The following CPNE4 variants were observed in gnomAD, a reference collection of about 807,000 sequenced individuals.
The protein encoded by CPNE4 is copine 4, also known as copine-4.
CPNE4 carries 25 observed loss-of-function variants against 67.9 expected under a neutral mutation model. The observed-to-expected ratio is 0.37, with a 90% confidence interval of 0.27 to 0.51. The LOEUF (loss-of-function observed/expected upper bound fraction) is 0.51. Among genes scored for constraint, CPNE4 ranks in the 20% least tolerant of loss-of-function variants. The probability of loss-of-function intolerance (pLI) is 0.93; values close to 1 mark genes in which losing one functional copy is unlikely to be tolerated. For missense variants in CPNE4, 464 were observed against 690.8 expected (o/e 0.67, Z 3.68); for synonymous variants, 242 against 244.9 (o/e 0.99, Z 0.11).
At chr3:131,748,242 CAAATTTTAAACCAATCTTTGGTTTTT>C (rs1408175891) in intron 2 of CPNE4, among the ~76,000 whole-genome samples, 4 of 151,954 alleles carry the variant, frequency 2.6e-5, no homozygotes, top group Non-Finnish European at 5.9e-5. Flanking sequence ...GATTGGTTTT[CAAATTTTAAACCAATCTTTGGTTTTT>C]AAATTTTAAA....
intron 2 of CPNE4, among the ~76,000 whole-genome samples, chr3:131,785,201 T>A (rs2083525540): frequency 6.6e-6 from 1 of 152,128 alleles, no homozygotes; most frequent in South Asian, 2.1e-4. Context: ...CCCCACTTTA[T>A]AGCTGAGTAA....
At chr3:131,937,269 G>A (rs1034250540) in intron 1 of CPNE4, among the ~76,000 whole-genome samples, 2 of 152,148 alleles carry the variant, frequency 1.3e-5, no homozygotes, top group Non-Finnish European at 2.9e-5. Context: ...ACGCTCTAAA[G>A]AATTGCCTAG....
intron 2 of CPNE4, among the ~76,000 whole-genome samples, chr3:131,880,348 C>A (rs2087626370): frequency 1.3e-5 from 2 of 152,072 alleles, no homozygotes. Context: ...ATCTCCTGAG[C>A]TCGTGATACG....
intron 2 of CPNE4, among the ~76,000 whole-genome samples, chr3:131,768,067 A>C (rs762917477): frequency 2.0e-5 from 3 of 152,090 alleles, no homozygotes; most frequent in Non-Finnish European, 2.9e-5. Context: ...GGAGGCTGAG[A>C]TTTAGGATTG....
intron 1 of CPNE4, among the ~76,000 whole-genome samples, chr3:131,955,817 T>C (rs755311838): frequency 2.8e-4 from 42 of 152,302 alleles, no homozygotes; most frequent in Non-Finnish European, 4.3e-4. Flanking sequence ...TCGCTGTACA[T>C]CTTTTCTTGC....
intron 7 of CPNE4, among the ~76,000 whole-genome samples, chr3:131,599,506 A>C (rs1485702128): frequency 1.3e-5 from 2 of 152,220 alleles, no homozygotes; most frequent in Non-Finnish European, 2.9e-5. Context: ...AAATAGAATG[A>C]AATAGAACTC....
rs559416051 is a variant in CPNE4, at chr3:131,976,286, T to C, written c.-2+58281A>G. ...AATTTTTTTTTTAATACTTAGACCA[T>C]GGCTTATTTTTCCAATTAAAAAATA... is the stretch of plus-strand genomic sequence containing the variant. On this transcript the variant is annotated intron_variant, in intron 1 of 15. Coordinates refer to ENST00000429747, the MANE Select transcript of CPNE4 (RefSeq NM_130808.3). Among the ~76,000 whole-genome samples, 6 of 152,050 alleles carry C rather than the reference T, an allele frequency of 3.9e-5. No individual in the cohort carries two copies. The South Asian group carries it at 6.2e-4, about 16-fold the overall frequency.
intron 2 of CPNE4, among the ~76,000 whole-genome samples, chr3:131,889,255 AG>A (rs1317711793): frequency 6.6e-6 from 1 of 152,214 alleles, no homozygotes; most frequent in Non-Finnish European, 1.5e-5. Flanking sequence ...CACATGGATA[AG>A]CCAAGCAGTG....
At position 131,678,158 on chromosome 3, in the gene CPNE4, T is replaced by C. The variant is rs574583896; in HGVS notation, c.591+7717A>G. On this transcript the variant is annotated intron_variant, in intron 6 of 15. Transcript: ENST00000429747. ...TAGATCTTTCAGTTTCCTTGTTAGC[T>C]GTATTTCTAGGCATGTCACTCTTTT... Among the ~76,000 whole-genome samples the C allele has an allele frequency of 2.0e-5, 3 of 152,276 alleles. No individual in the cohort carries two copies. The South Asian group carries it at 6.2e-4, about 32-fold the overall frequency.
At chr3:132,032,932 C>T (rs1308334197) in intron 1 of CPNE4, among the ~76,000 whole-genome samples, 1 of 152,208 alleles carries the variant, frequency 6.6e-6, no homozygotes, top group Non-Finnish European at 1.5e-5. Context: ...TGTGGTTTAA[C>T]CAGCATATAC....
intron 1 of CPNE4, among the ~76,000 whole-genome samples, chr3:131,907,425 C>T (rs1247686739): frequency 2.0e-5 from 3 of 152,070 alleles, no homozygotes; most frequent in Admixed American, 2.0e-4. Flanking sequence ...ACCAGCACTA[C>T]ACCAGGTTTA....
intron 1 of CPNE4, among the ~76,000 whole-genome samples, chr3:132,011,699 C>T (rs949252437): frequency 5.9e-5 from 9 of 152,182 alleles, no homozygotes; most frequent in Admixed American, 2.0e-4. Flanking sequence ...TAACATTTTT[C>T]ACTACTGTAA....
intron 1 of CPNE4, among the ~76,000 whole-genome samples, chr3:132,031,252 T>C (rs2074227799): frequency 6.6e-6 from 1 of 152,232 alleles, no homozygotes; most frequent in Non-Finnish European, 1.5e-5. Context: ...TTTGATATTT[T>C]GTAAATCTAG....
chr3:131,958,666 C>T (rs1331448195), intron 1 of CPNE4, among the ~76,000 whole-genome samples: 1 of 129,062 alleles, frequency 7.7e-6, no homozygotes, highest in Non-Finnish European at 1.6e-5. Context: ...GCACTGTTGC[C>T]CAGGCTGGAG....
intron 1 of CPNE4, among the ~76,000 whole-genome samples, chr3:131,954,147 C>T (rs933363104): frequency 6.6e-6 from 1 of 151,218 alleles, no homozygotes; most frequent in Non-Finnish European, 1.5e-5. Flanking sequence ...TAAAAAATTA[C>T]CCAATATACA....
intron 12 of CPNE4, among the ~76,000 whole-genome samples, chr3:131,553,185 A>G (rs1936277459): frequency 6.6e-6 from 1 of 152,094 alleles, no homozygotes; most frequent in African/African-American, 2.4e-5. Context: ...GCATCTGGAC[A>G]TTTTTATTGA....
At chr3:131,995,359 C>T (rs995898940) in intron 1 of CPNE4, among the ~76,000 whole-genome samples, 5 of 152,128 alleles carry the variant, frequency 3.3e-5, no homozygotes, top group African/African-American at 1.2e-4. Context: ...GGCCTTTTCT[C>T]ATGTGTCTCT....
At chr3:131,914,976 C>G (rs1214942267) in intron 1 of CPNE4, among the ~76,000 whole-genome samples, 1 of 152,054 alleles carries the variant, frequency 6.6e-6, no homozygotes, top group Non-Finnish European at 1.5e-5. Flanking sequence ...AATTCTGTCT[C>G]AAAATAAAAT....
At chr3:132,036,849 G>A (rs16838395), upstream of CPNE4, among the ~76,000 whole-genome samples, 28,820 of 152,172 alleles carry the variant, frequency 0.19, 2,780 homozygotes, top group Non-Finnish European at 0.2. Flanking sequence ...ACAGGTGAGA[G>A]AAAAGGAATT....
Sources: gnomAD v4.1 joint callset for allele counts (sites outside exome capture counted in the v4.1 genomes callset) on GRCh38, gnomAD v4.1.1 for gene constraint, MANE v1.5 for transcripts, NCBI Gene and HGNC (gene_info 2026-07-23, HGNC 2026-07-21) for gene names.